Variants in ARNT2 observed in about 807,000 individuals in gnomAD.
ARNT2 encodes ARNT protein 2.
Under a neutral mutation model 91.7 loss-of-function variants are expected in ARNT2, and 36 were observed. That is an observed-to-expected ratio of 0.39 (90% CI 0.30 to 0.52). The LOEUF (loss-of-function observed/expected upper bound fraction) is 0.52. Among genes scored for constraint, ARNT2 ranks in the 20% least tolerant of loss-of-function variants. The pLI, the probability that ARNT2 is intolerant of heterozygous loss-of-function variation, is 0.72. For missense variants in ARNT2, 775 were observed against 939.3 expected, an observed-to-expected ratio of 0.83 and a Z score of 2.29; for synonymous variants, 365 against 347.1, an observed-to-expected ratio of 1.05 and a Z score of -0.57.
chr15:80,510,380 G>A (rs1897324710), intron 6 of ARNT2, among the ~76,000 whole-genome samples: 1 of 152,096 alleles, frequency 6.6e-6, no homozygotes, highest in African/African-American at 2.4e-5. Context: ...ATAAAAAAGT[G>A]GGCAAAGGAC....
At chr15:80,538,240 AT>A (rs1302166704) in intron 8 of ARNT2, among the ~76,000 whole-genome samples, 10 of 152,344 alleles carry the variant, frequency 6.6e-5, no homozygotes, top group Admixed American at 3.3e-4. Context: ...ATTTTGACAA[AT>A]GAAGCCATTG....
intron 1 of ARNT2, among the ~76,000 whole-genome samples, chr15:80,420,721 T>C (rs1483484964): frequency 2.0e-5 from 3 of 152,104 alleles, no homozygotes; most frequent in African/African-American, 7.2e-5. Context: ...TGAATATATA[T>C]GTACATATGT....
chr15:80,498,198 G>T (rs115070356), intron 5 of ARNT2, among the ~76,000 whole-genome samples: 1 of 152,156 alleles, frequency 6.6e-6, no homozygotes, highest in Non-Finnish European at 1.5e-5. Flanking sequence ...CCTCCTTCCT[G>T]CCTGGAAGCA....
chr15:80,585,857 A>G (rs534054589), intron 17 of ARNT2, among the ~76,000 whole-genome samples: 10 of 152,362 alleles, frequency 6.6e-5, no homozygotes, highest in Admixed American at 1.3e-4. Flanking sequence ...CACCTGATCC[A>G]GGAAGAGAAG....
At chr15:80,584,144 G>A (rs1190821257) in intron 17 of ARNT2, among the ~76,000 whole-genome samples, 1 of 152,192 alleles carries the variant, frequency 6.6e-6, no homozygotes, top group Non-Finnish European at 1.5e-5. Flanking sequence ...GCACAGTCTT[G>A]GGAGGGAGAG....
At chr15:80,528,171 G>A (rs1354503740) in intron 8 of ARNT2, among the ~76,000 whole-genome samples, 1 of 152,132 alleles carries the variant, frequency 6.6e-6, no homozygotes, top group African/African-American at 2.4e-5. Context: ...TGATGACTGG[G>A]ATGAAGTAGG....
intron 1 of ARNT2, among the ~76,000 whole-genome samples, chr15:80,416,183 C>G (rs1895783045): frequency 6.6e-6 from 1 of 152,190 alleles, no homozygotes; most frequent in Non-Finnish European, 1.5e-5. Flanking sequence ...TTATGTTGAA[C>G]TTATTTCAAG....
intron 13 of ARNT2, among the ~76,000 whole-genome samples, chr15:80,574,705 T>G (rs1898638848): frequency 6.6e-6 from 1 of 152,136 alleles, no homozygotes; most frequent in South Asian, 2.1e-4. Context: ...ATATTTAGAG[T>G]AAGTTGATTG....
chr15:80,550,200 A>G (rs1898059415), intron 8 of ARNT2, among the ~76,000 whole-genome samples: 2 of 152,252 alleles, frequency 1.3e-5, no homozygotes, highest in South Asian at 2.1e-4. Flanking sequence ...AGGATAAACC[A>G]GAAATGAAAG....
chr15:80,576,594 C>T (rs1017575981), intron 14 of ARNT2, among the ~76,000 whole-genome samples: 1 of 152,200 alleles, frequency 6.6e-6, no homozygotes, highest in African/African-American at 2.4e-5. Context: ...TTCTTTTAAT[C>T]TTCCCCACTC....
chr15:80,414,763 CTCTCT>C (rs72353386), intron 1 of ARNT2, among the ~76,000 whole-genome samples: 25,532 of 146,818 alleles, frequency 0.17, 2,294 homozygotes, highest in Admixed American at 0.27. Flanking sequence ...TGTGTTCTCT[CTCTCT>C]TTTTTTTTTT....
At chr15:80,436,707 G>A (rs1454482522) in intron 1 of ARNT2, among the ~76,000 whole-genome samples, 2 of 152,188 alleles carry the variant, frequency 1.3e-5, no homozygotes, top group Non-Finnish European at 2.9e-5. Flanking sequence ...AGGGGCACAT[G>A]TCCCTGGTTA....
intron 8 of ARNT2, among the ~76,000 whole-genome samples, chr15:80,520,094 T>C (rs1327313260): frequency 6.6e-6 from 1 of 151,454 alleles, no homozygotes; most frequent in Middle Eastern, 3.2e-3. Context: ...GACTTTTCCC[T>C]TTGGATTAGT....
chr15:80,458,056 C>G, intron 3 of ARNT2, 80 bp downstream of exon 3: 1 of 1,476,738 alleles, frequency 6.8e-7, no homozygotes, highest in Non-Finnish European at 9.4e-7. Flanking sequence ...AATGTAACGT[C>G]TTTTGTCATT....
At chr15:80,481,962 C>G (rs1003095830) in intron 5 of ARNT2, among the ~76,000 whole-genome samples, 2 of 152,134 alleles carry the variant, frequency 1.3e-5, no homozygotes, top group African/African-American at 2.4e-5. Flanking sequence ...AGTGCAGTAG[C>G]ACAGTCATAG....
chr15:80,470,188 C>G, intron 3 of ARNT2, 30 bp from the exon 4 acceptor site: 3 of 1,596,168 alleles, frequency 1.9e-6, no homozygotes, highest in Non-Finnish European at 2.6e-6. Context: ...TCTTTTTTCC[C>G]CCTCTCCTGA....
chr15:80,473,579 A>G (rs1896762121), intron 4 of ARNT2, among the ~76,000 whole-genome samples: 2 of 152,224 alleles, frequency 1.3e-5, no homozygotes, highest in Admixed American at 1.3e-4. Context: ...CCCTGAACTA[A>G]TTAAGCATCT....
intron 8 of ARNT2, among the ~76,000 whole-genome samples, chr15:80,527,761 G>T (rs1897660522): frequency 6.6e-6 from 1 of 152,194 alleles, no homozygotes; most frequent in African/African-American, 2.4e-5. Context: ...TGCAAAACTA[G>T]GCTTTTTGAT....
At chr15:80,560,609 A>C (rs1395187161) in intron 11 of ARNT2, among the ~76,000 whole-genome samples, 2 of 152,204 alleles carry the variant, frequency 1.3e-5, no homozygotes, top group African/African-American at 4.8e-5. Context: ...GAAACAAACA[A>C]AAAAGAAGGA....
Sources: gnomAD v4.1 joint callset for allele counts (sites outside exome capture counted in the v4.1 genomes callset) on GRCh38, gnomAD v4.1.1 for gene constraint, MANE v1.5 for transcripts, NCBI Gene and HGNC (gene_info 2026-07-23, HGNC 2026-07-21) for gene names.